The following KIAA0825 variants were observed in gnomAD, a reference collection of about 807,000 sequenced individuals.
KIAA0825 encodes KIAA0825.
In KIAA0825, 119 loss-of-function variants were observed where a neutral mutation model predicts 147.6. The observed-to-expected ratio is 0.81, with a 90% CI of 0.69 to 0.94. The LOEUF is 0.94. KIAA0825 is among the 40% of genes least tolerant of loss of function. The pLI, the probability that KIAA0825 is intolerant of heterozygous loss-of-function variation, is 0.00. For synonymous variants in KIAA0825, 470 were observed against 518.1 expected, an observed-to-expected ratio of 0.91 and a Z score of 1.26; for missense variants, 1,381 against 1,472.7, an observed-to-expected ratio of 0.94 and a Z score of 1.02.
intron 20 of KIAA0825, among the ~76,000 whole-genome samples, chr5:94,169,093 A>G (rs1768344101): frequency 6.6e-6 from 1 of 152,226 alleles, no homozygotes; most frequent in African/African-American, 2.4e-5. Flanking sequence ...CACAGTTGTC[A>G]CAAGGCCAAC....
chr5:94,497,635 C>T (rs1457987420), intron 5 of KIAA0825, among the ~76,000 whole-genome samples: 1 of 152,158 alleles, frequency 6.6e-6, no homozygotes, highest in Non-Finnish European at 1.5e-5. Context: ...ATAATCCATA[C>T]TTTCAACTTT....
chr5:94,551,097 A>G (rs1167315560), intron 2 of KIAA0825, among the ~76,000 whole-genome samples: 2 of 151,644 alleles, frequency 1.3e-5, no homozygotes, highest in Non-Finnish European at 2.9e-5. Flanking sequence ...ATAAAAATAT[A>G]ACATAAAGCT....
intron 20 of KIAA0825, among the ~76,000 whole-genome samples, chr5:94,360,786 C>A (rs564269125): frequency 1.3e-5 from 2 of 152,200 alleles, no homozygotes; most frequent in Non-Finnish European, 2.9e-5. Context: ...AAATGGGGAA[C>A]CAGCAGCCCT....
intron 1 of KIAA0825, among the ~76,000 whole-genome samples, chr5:94,600,681 T>C (rs1786238543): frequency 1.3e-5 from 2 of 152,166 alleles, no homozygotes; most frequent in Non-Finnish European, 2.9e-5. Context: ...TACATTTCTA[T>C]AAAGGAATAC....
intron 2 of KIAA0825, among the ~76,000 whole-genome samples, chr5:94,571,916 T>C (rs977470878): frequency 6.6e-6 from 1 of 152,128 alleles, no homozygotes; most frequent in Admixed American, 6.5e-5. Context: ...TACCATATGA[T>C]ACATGATAAA....
intron 20 of KIAA0825, among the ~76,000 whole-genome samples, chr5:94,280,711 G>T (rs1777416863): frequency 6.6e-6 from 1 of 151,946 alleles, no homozygotes; most frequent in Non-Finnish European, 1.5e-5. Context: ...CAGGTAATGA[G>T]GTAAGGGGCA....
At chr5:94,482,049 C>A (rs1405105541) in intron 6 of KIAA0825, among the ~76,000 whole-genome samples, 1 of 152,078 alleles carries the variant, frequency 6.6e-6, no homozygotes, top group Non-Finnish European at 1.5e-5. Flanking sequence ...GGCACCACAA[C>A]AGTCAAATAA....
chr5:94,198,415 A>T (rs914484245), intron 20 of KIAA0825, among the ~76,000 whole-genome samples: 3 of 146,406 alleles, frequency 2.0e-5, no homozygotes, highest in Admixed American at 6.8e-5. Context: ...GAGAGTTTAA[A>T]TTTTTTTTTT....
At chr5:94,370,834 G>A (rs960644518) in intron 20 of KIAA0825, among the ~76,000 whole-genome samples, 5 of 152,026 alleles carry the variant, frequency 3.3e-5, no homozygotes, top group South Asian at 4.1e-4. Context: ...GCATGAAACC[G>A]GGAGACAGAG....
At chr5:94,204,018 A>T (rs1240827433) in intron 20 of KIAA0825, among the ~76,000 whole-genome samples, 1 of 152,212 alleles carries the variant, frequency 6.6e-6, no homozygotes, top group Non-Finnish European at 1.5e-5. Flanking sequence ...CTGAATGACT[A>T]TAAACAAACA....
intron 20 of KIAA0825, among the ~76,000 whole-genome samples, chr5:94,289,602 C>T (rs1448197429): frequency 6.7e-6 from 1 of 149,168 alleles, no homozygotes; most frequent in Non-Finnish European, 1.5e-5. Flanking sequence ...ATAAGAACAA[C>T]CATTGTTCTA....
At chr5:94,512,570 TG>T (rs1463980058) in intron 5 of KIAA0825, among the ~76,000 whole-genome samples, 1 of 149,618 alleles carries the variant, frequency 6.7e-6, no homozygotes. Flanking sequence ...AAGACCAGCT[TG>T]GGCAACATAG....
At chr5:94,225,544 T>G (rs1774088263) in intron 20 of KIAA0825, among the ~76,000 whole-genome samples, 1 of 152,172 alleles carries the variant, frequency 6.6e-6, no homozygotes, top group Non-Finnish European at 1.5e-5. Context: ...TGAAGGGGAT[T>G]AGTGCCCTAA....
chr5:94,380,335 T>C (rs938644053), intron 20 of KIAA0825, among the ~76,000 whole-genome samples: 2 of 152,208 alleles, frequency 1.3e-5, no homozygotes, highest in South Asian at 4.1e-4. Context: ...AAACATCACA[T>C]AAGAATACCT....
At chr5:94,548,188 A>G (rs991694057) in intron 2 of KIAA0825, among the ~76,000 whole-genome samples, 2 of 152,200 alleles carry the variant, frequency 1.3e-5, no homozygotes, top group Non-Finnish European at 2.9e-5. Flanking sequence ...ATGATGAATG[A>G]ATTGAATAAT....
intron 20 of KIAA0825, among the ~76,000 whole-genome samples, chr5:94,174,422 T>C (rs1290369307): frequency 6.6e-6 from 1 of 152,162 alleles, no homozygotes; most frequent in Non-Finnish European, 1.5e-5. Context: ...GGGTTCTGCG[T>C]CAATTGTGTA....
chr5:94,151,979 A>G lies in KIAA0825; in HGVS notation c.*2028T>C, dbSNP rs1004087584. 6.6e-6 allele frequency among the ~76,000 whole-genome samples: 1 copy of G among 152,182 alleles called. No homozygotes were observed. The highest frequency in any genetic ancestry group is 1.9e-4 in the East Asian group (1 of 5,188). On this transcript the variant is annotated 3_prime_UTR_variant, in exon 21 of 21. Coordinates refer to ENST00000682413, the MANE Select transcript of KIAA0825 (RefSeq NM_001145678.3). Reference sequence around the variant, plus strand: ...TTATAGTAACCTGTTTAAAGATCAGATTAGATGGAATGTCCAGTTCTCATA... The same window carrying G: ...TTATAGTAACCTGTTTAAAGATCAGGTTAGATGGAATGTCCAGTTCTCATA...
intron 20 of KIAA0825, among the ~76,000 whole-genome samples, chr5:94,218,432 G>A (rs986080978): frequency 4.6e-5 from 7 of 152,156 alleles, no homozygotes; most frequent in African/African-American, 1.7e-4. Context: ...AGCATTCCAA[G>A]CATATTTCCA....
At chr5:94,474,797 A>G (rs1761657834) in intron 7 of KIAA0825, among the ~76,000 whole-genome samples, 1 of 152,166 alleles carries the variant, frequency 6.6e-6, no homozygotes, top group Non-Finnish European at 1.5e-5. Context: ...CTCTTATCTT[A>G]TATTTGCATA....
Sources: gnomAD v4.1 joint callset for allele counts (sites outside exome capture counted in the v4.1 genomes callset) on GRCh38, gnomAD v4.1.1 for gene constraint, MANE v1.5 for transcripts, NCBI Gene and HGNC (gene_info 2026-07-23, HGNC 2026-07-21) for gene names.